HIP1: variants seen among roughly 807,000 people sequenced by gnomAD.
HIP1 encodes huntingtin-interacting protein 1.
In HIP1, 65 loss-of-function variants were observed where a neutral mutation model predicts 147.6. That is an observed-to-expected ratio of 0.44 (90% CI 0.36 to 0.54). The LOEUF is 0.54. HIP1 is among the 20% of genes least tolerant of loss of function. The pLI is 0.00. For synonymous variants in HIP1, 479 were observed against 504.0 expected, an observed-to-expected ratio of 0.95 and a Z score of 0.67; for missense variants, 1,061 against 1,299.6, an observed-to-expected ratio of 0.82 and a Z score of 2.82.
intron 9 of HIP1, among the ~76,000 whole-genome samples, chr7:75,566,075 C>T (rs1795392466): frequency 6.6e-6 from 1 of 150,818 alleles, no homozygotes; most frequent in Non-Finnish European, 1.5e-5. Context: ...GACGCCCAGG[C>T]CTGAGTGCAG....
chr7:75,552,528 A>AT (rs1384549197), intron 22 of HIP1, among the ~76,000 whole-genome samples: 30 of 150,338 alleles, frequency 2.0e-4, no homozygotes, highest in African/African-American at 5.9e-4. Context: ...TAAAAAAAAA[A>AT]TTTTATTTTG....
chr7:75,575,832 T>C (rs1795827814), intron 7 of HIP1, among the ~76,000 whole-genome samples: 2 of 151,960 alleles, frequency 1.3e-5, no homozygotes, highest in Admixed American at 6.6e-5. Context: ...TGAGTGGAAC[T>C]GGCCCAGAGG....
chr7:75,573,804 G>A lies in HIP1; in HGVS notation c.702C>T (p.His234=). 1.2e-6 allele frequency: 2 copies of A among 1,614,164 alleles called. No homozygotes were observed. The highest frequency in any genetic ancestry group is 8.5e-7 in the Non-Finnish European group (1 of 1,180,022). ...GAAGCTTGACAGTGTAGTCATAAAG[G>A]TGGCTGCAGTCCAAGATGACCTGGA... The part of the protein sequence containing the change: ...PLIQVILDCS[H]LYDYTVKLLF... The change falls in exon 8 of 31, where the codon CAC becomes CAT. Residue 234 remains histidine, a synonymous_variant. Transcript: ENST00000336926.
At chr7:75,693,768 G>A (rs1258035123) in intron 1 of HIP1, among the ~76,000 whole-genome samples, 1 of 150,650 alleles carries the variant, frequency 6.6e-6, no homozygotes, top group Non-Finnish European at 1.5e-5. Flanking sequence ...CCAGCTACTC[G>A]GGGGAAGGGA....
Position 75,539,404 on chromosome 7 carries a change from A to G in HIP1, c.2980T>C (p.Leu994=). The G allele has an allele frequency of 1.9e-6, 3 of 1,614,128 alleles. No individual in the cohort carries two copies. Among genetic ancestry groups the G allele is most frequent in the Non-Finnish European group, 2.5e-6 (3 of 1,179,954 alleles). The change falls in exon 30 of 31, where the codon TTG becomes CTG. Residue 994 remains leucine (L), a synonymous_variant. Coordinates refer to ENST00000336926, the MANE Select transcript of HIP1 (RefSeq NM_005338.7). The part of the protein sequence containing the change: ...QVRVLELENE[L]QKERQKLGEL... ...CCCAGTTTTTGACGCTCCTTCTGCAATTCATTTTCTAGCTCTAGCACCCTA... is the reference window on the plus strand; with the variant it reads ...CCCAGTTTTTGACGCTCCTTCTGCAGTTCATTTTCTAGCTCTAGCACCCTA...
At chr7:75,637,385 C>T (rs1258598852) in intron 1 of HIP1, among the ~76,000 whole-genome samples, 1 of 152,036 alleles carries the variant, frequency 6.6e-6, no homozygotes, top group East Asian at 1.9e-4. Flanking sequence ...GGTTTAGTGG[C>T]CATTGGACTA....
chr7:75,642,223 C>A (rs1227189151), intron 1 of HIP1, among the ~76,000 whole-genome samples: 1 of 152,052 alleles, frequency 6.6e-6, no homozygotes, highest in Non-Finnish European at 1.5e-5. Flanking sequence ...CAGAGTGAGA[C>A]CCTGTCTTCA....
Position 75,589,142 on chromosome 7 carries a change from C to T in HIP1, c.385-2309G>A, listed in dbSNP as rs1261885759. Among the ~76,000 whole-genome samples the T allele has an allele frequency of 4.9e-5, 7 of 143,834 alleles. No individual in the cohort carries two copies. The Admixed American group carries it at 4.9e-4, about 10-fold the overall frequency. 94.4% of individuals were successfully genotyped at this position (143,834 alleles called of 152,430 possible). The stretch of plus-strand genomic sequence containing the variant: ...TCCAGCCTGGGCAACAAGAGCAAAA[C>T]TCTGTCTTAAAAAAAAAAAAAAGAA... On this transcript the variant is annotated intron_variant, in intron 4 of 30. Coordinates refer to ENST00000336926, the MANE Select transcript of HIP1 (RefSeq NM_005338.7).
At position 75,665,937 on chromosome 7, in the gene HIP1, C is replaced by A. The variant is rs138096977; in HGVS notation, c.121-66690G>T. Among the ~76,000 whole-genome samples the A allele has an allele frequency of 3.2e-3, 490 of 151,978 alleles. 2 individuals are homozygous for A. The highest frequency in any genetic ancestry group is 0.011 in the African/African-American group (465 of 41,450). The stretch of plus-strand genomic sequence containing the variant: ...TTTTATATGGCAATGTGAAAAAAAC[C>A]AACAAAACAAAACAACTGGGCAGGC... On this transcript the variant is annotated intron_variant, in intron 1 of 30. Transcript: ENST00000336926.
chr7:75,714,133 G>A (rs1554520357), intron 1 of HIP1, among the ~76,000 whole-genome samples: 2 of 151,808 alleles, frequency 1.3e-5, no homozygotes, highest in African/African-American at 2.4e-5. Context: ...TCTGCCTCCC[G>A]GGTTTAAGTG....
chr7:75,620,281 G>A (rs1434893657), intron 1 of HIP1, among the ~76,000 whole-genome samples: 4 of 151,920 alleles, frequency 2.6e-5, no homozygotes, highest in Non-Finnish European at 5.9e-5. Flanking sequence ...AGCTACTTGG[G>A]AGGCTGAGGT....
At chr7:75,544,906 G>C in intron 26 of HIP1, 106 bp from the exon 27 acceptor site, 1 of 808,372 alleles carries the variant, frequency 1.2e-6, no homozygotes, top group Non-Finnish European at 2.1e-6. Context: ...ACAGGGAGGG[G>C]AGGCTGCCTG....
chr7:75,554,307 A>G (rs1458608599), intron 20 of HIP1, 87 bp from the exon 21 acceptor site: 5 of 1,318,748 alleles, frequency 3.8e-6, no homozygotes, highest in African/African-American at 1.5e-5. Flanking sequence ...AGTTGCCTAC[A>G]TGCCTTTCTT....
chr7:75,648,950 C>G (rs1798890421), intron 1 of HIP1, among the ~76,000 whole-genome samples: 1 of 152,080 alleles, frequency 6.6e-6, no homozygotes, highest in South Asian at 2.1e-4. Context: ...ACTGGGACTA[C>G]AGGTGCATGC....
chr7:75,636,531 A>G (rs1460453604), intron 1 of HIP1, among the ~76,000 whole-genome samples: 1 of 152,184 alleles, frequency 6.6e-6, no homozygotes, highest in Non-Finnish European at 1.5e-5. Flanking sequence ...CAAACCAGAG[A>G]TGGGAATTTA....
intron 1 of HIP1, among the ~76,000 whole-genome samples, chr7:75,692,509 C>A (rs542472466): frequency 6.6e-6 from 1 of 151,994 alleles, no homozygotes; most frequent in African/African-American, 2.4e-5. Flanking sequence ...CAGCCTCTGC[C>A]CCCCAGGTTC....
intron 1 of HIP1, among the ~76,000 whole-genome samples, chr7:75,681,246 C>A (rs957822303): frequency 6.6e-6 from 1 of 152,102 alleles, no homozygotes; most frequent in Non-Finnish European, 1.5e-5. Flanking sequence ...GGCACCAATG[C>A]CCTGTGCATC....
At chr7:75,655,678 G>A (rs1177585117) in intron 1 of HIP1, among the ~76,000 whole-genome samples, 2 of 152,104 alleles carry the variant, frequency 1.3e-5, no homozygotes, top group East Asian at 3.9e-4. Context: ...ACTTATATGA[G>A]GATCTAGAAT....
intron 1 of HIP1, among the ~76,000 whole-genome samples, chr7:75,658,126 C>T (rs1199552693): frequency 2.0e-5 from 3 of 152,188 alleles, no homozygotes; most frequent in African/African-American, 7.2e-5. Flanking sequence ...CAGAATCTTG[C>T]TCTGTCGCCC....
Sources: allele counts gnomAD v4.1 joint callset (sites outside exome capture counted in the v4.1 genomes callset), GRCh38; gene constraint gnomAD v4.1.1; transcripts MANE v1.5; gene names NCBI Gene and HGNC (gene_info 2026-07-23, HGNC 2026-07-21).